The following TNS3 variants were observed in gnomAD, a reference collection of about 807,000 sequenced individuals.
TNS3 encodes tensin 3, also known as tensin-3.
In TNS3, 45 loss-of-function variants were observed where a neutral mutation model predicts 140.9. The observed-to-expected ratio is 0.32, with a 90% confidence interval of 0.25 to 0.41. TNS3 has a LOEUF of 0.41. Among genes scored for constraint, TNS3 ranks in the 10% least tolerant of loss-of-function variants. The pLI is 1.00. For missense variants in TNS3, 1,716 were observed against 1,906.7 expected (o/e 0.90, Z 1.86); for synonymous variants, 815 against 788.4 (o/e 1.03, Z -0.56).
Position 47,389,109 on chromosome 7 carries a change from C to CAGAAGCAGAAGAAGAAGAAGAAGAAGA in TNS3, c.1024+7690_1024+7691insTCTTCTTCTTCTTCTTCTTCTGCTTCT, listed in dbSNP as rs1195199187. On this transcript the variant is annotated intron_variant, in intron 16 of 30. Transcript: ENST00000311160. ...GAGGAAGAGGAAGAGGAAGCGGAAGCAGAAGAAGAAGAAGAAGAAGAAGAA... is the reference window on the plus strand; with the variant it reads ...GAGGAAGAGGAAGAGGAAGCGGAAGCAGAAGCAGAAGAAGAAGAAGAAGAAGAAGAAGAAGAAGAAGAAGAAGAAGAA... 9.6e-4 allele frequency among the ~76,000 whole-genome samples: 57 copies of CAGAAGCAGAAGAAGAAGAAGAAGAAGA among 59,134 alleles called. 9 individuals are homozygous for CAGAAGCAGAAGAAGAAGAAGAAGAAGA. Among genetic ancestry groups the CAGAAGCAGAAGAAGAAGAAGAAGAAGA allele is most frequent in the Middle Eastern group, 9.3e-3 (1 of 108 alleles). 38.8% of individuals were successfully genotyped at this position (59,134 alleles called of 152,430 possible). A position where few individuals can be genotyped will look rare whatever the true frequency, so the allele number is the denominator to read the frequency against.
intron 20 of TNS3, among the ~76,000 whole-genome samples, chr7:47,309,828 G>A (rs531121705): frequency 2.6e-5 from 4 of 152,356 alleles, no homozygotes; most frequent in South Asian, 4.1e-4. Flanking sequence ...GAGAGAGCAT[G>A]TTAATTTTCA....
At chr7:47,353,246 AC>A in intron 17 of TNS3, among the ~76,000 whole-genome samples, 1 of 152,118 alleles carries the variant, frequency 6.6e-6, no homozygotes, top group Non-Finnish European at 1.5e-5. Context: ...AAGCTGAGAC[AC>A]CCTGCGGGTT....
intron 1 of TNS3, among the ~76,000 whole-genome samples, chr7:47,541,772 C>A (rs916773313): frequency 2.0e-5 from 3 of 151,850 alleles, no homozygotes; most frequent in Non-Finnish European, 2.9e-5. Flanking sequence ...CACGGTGAAA[C>A]CCTGTCTCTA....
chr7:47,359,435 T>G (rs533432637), intron 17 of TNS3, among the ~76,000 whole-genome samples: 2 of 152,234 alleles, frequency 1.3e-5, no homozygotes, highest in Non-Finnish European at 2.9e-5. Context: ...AGGTTTCCCT[T>G]TGGGATGACG....
At position 47,357,746 on chromosome 7, in the gene TNS3, C is replaced by A. The variant is rs540872391; in HGVS notation, c.2281+10619G>T. On this transcript the variant is annotated intron_variant, in intron 17 of 30. Coordinates refer to ENST00000311160, the MANE Select transcript of TNS3 (RefSeq NM_022748.12). ...GAACGGGTAGGCGCCGGCAAAACTG[C>A]AACAGAAGGCGGAAGGGGGGAATCC... Among the ~76,000 whole-genome samples the A allele has an allele frequency of 2.0e-5, 3 of 151,828 alleles. No individual in the cohort carries two copies. The South Asian group carries it at 6.2e-4, about 32-fold the overall frequency.
In TNS3 at chr7:47,380,843, C is replaced by T. The variant is rs570986116; in HGVS notation, c.1025-11222G>A. 9.2e-5 allele frequency among the ~76,000 whole-genome samples: 14 copies of T among 152,308 alleles called. No individual in the cohort carries two copies. The East Asian group carries it at 2.3e-3, about 25-fold the overall frequency. ...AGCCCAGCGGCTCTCTCAGTCTGCA[C>T]CTCTGAGCCCAGTTTTCCTTGACAC... On this transcript the variant is annotated intron_variant, in intron 16 of 30. Transcript: ENST00000311160.
intron 27 of TNS3, among the ~76,000 whole-genome samples, chr7:47,284,552 A>G (rs940167798): frequency 1.3e-5 from 2 of 152,220 alleles, no homozygotes; most frequent in Admixed American, 6.5e-5. Flanking sequence ...CAGTTCAAGC[A>G]TAAGTGCACG....
intron 3 of TNS3, chr7:47,481,798 AG>A (rs1290258553): frequency 1.5e-6 from 1 of 664,432 alleles, no homozygotes; most frequent in Non-Finnish European, 1.9e-6. Context: ...AGTTAGTAAC[AG>A]GCACAGGGAG....
intron 3 of TNS3, among the ~76,000 whole-genome samples, chr7:47,499,378 C>T (rs905168732): frequency 2.6e-5 from 4 of 152,198 alleles, no homozygotes; most frequent in South Asian, 4.1e-4. Flanking sequence ...TAAAAGTGTC[C>T]TCAAAAAGAG....
intron 23 of TNS3, among the ~76,000 whole-genome samples, chr7:47,299,712 A>G (rs1215577443): frequency 6.6e-6 from 1 of 152,200 alleles, no homozygotes; most frequent in Non-Finnish European, 1.5e-5. Context: ...CTGCACAGGC[A>G]ATGGGAGTAA....
chr7:47,359,351 G>A (rs1790186387), intron 17 of TNS3, among the ~76,000 whole-genome samples: 1 of 152,206 alleles, frequency 6.6e-6, no homozygotes, highest in Non-Finnish European at 1.5e-5. Flanking sequence ...CACATCCCCA[G>A]GGACAGGAGG....
chr7:47,434,799 A>T (rs1386692153), intron 8 of TNS3, among the ~76,000 whole-genome samples: 2 of 152,202 alleles, frequency 1.3e-5, no homozygotes, highest in Non-Finnish European at 2.9e-5. Context: ...TGTACAGGCC[A>T]TGTCTGCACT....
intron 13 of TNS3, among the ~76,000 whole-genome samples, chr7:47,408,841 C>T (rs1793594416): frequency 6.6e-6 from 1 of 152,112 alleles, no homozygotes; most frequent in South Asian, 2.1e-4. Flanking sequence ...CCCCTTCCAA[C>T]CTGGAGCCAA....
intron 16 of TNS3, among the ~76,000 whole-genome samples, chr7:47,389,146 AGAAGAAGAAG>A: frequency 1.7e-5 from 1 of 58,550 alleles, no homozygotes; most frequent in South Asian, 7.5e-4. Flanking sequence ...AAGAAGAAGA[AGAAGAAGAAG>A]CAGAAGAAGC....
At chr7:47,364,280 T>TC (rs1297159833) in intron 17 of TNS3, among the ~76,000 whole-genome samples, 2 of 140,070 alleles carry the variant, frequency 1.4e-5, no homozygotes, top group African/African-American at 5.8e-5. Context: ...AGCAATAATT[T>TC]TTTTTTTTTT....
At chr7:47,458,247 G>A (rs74759525) in intron 4 of TNS3, among the ~76,000 whole-genome samples, 3,030 of 152,246 alleles carry the variant, frequency 0.02, 111 homozygotes, top group African/African-American at 0.068. Context: ...CAGGGCCCAC[G>A]GGCTCCTCCC....
At chr7:47,535,838 A>G (rs962870511) in intron 1 of TNS3, among the ~76,000 whole-genome samples, 5 of 152,252 alleles carry the variant, frequency 3.3e-5, no homozygotes, top group African/African-American at 1.2e-4. Context: ...TCGCCCTGGC[A>G]AAATGGTTAC....
At chr7:47,404,077 G>A (rs75612047) in intron 13 of TNS3, among the ~76,000 whole-genome samples, 1,832 of 152,286 alleles carry the variant, frequency 0.012, 19 homozygotes, top group Non-Finnish European at 0.02. Flanking sequence ...TCAGATTTTA[G>A]AATATCTGCA....
Position 47,530,835 on chromosome 7 carries a change from A to AT in TNS3, c.-264-1689_-264-1688insA, listed in dbSNP as rs1180487898. Among the ~76,000 whole-genome samples, 688 of 118,320 alleles carry AT rather than the reference A, an allele frequency of 5.8e-3. 1 individual carries two copies. The highest frequency in any genetic ancestry group is 0.012 in the African/African-American group (341 of 27,952). 77.6% of individuals were successfully genotyped at this position (118,320 alleles called of 152,430 possible). ...TGAAACTCCATCTCAAAAAAAAAAAAAAAATATATATATATATATATATTT... is the reference window on the plus strand; with the variant it reads ...TGAAACTCCATCTCAAAAAAAAAAAATAAAATATATATATATATATATATTT... On this transcript the variant is annotated intron_variant, in intron 1 of 30. Coordinates refer to ENST00000311160, the MANE Select transcript of TNS3 (RefSeq NM_022748.12).
Sources: allele counts gnomAD v4.1 joint callset (sites outside exome capture counted in the v4.1 genomes callset), GRCh38; gene constraint gnomAD v4.1.1; transcripts MANE v1.5; gene names NCBI Gene and HGNC (gene_info 2026-07-23, HGNC 2026-07-21).